SH3TC2: variants seen among roughly 807,000 people sequenced by gnomAD.
SH3TC2 encodes SH3 domain and tetratricopeptide repeats 2.
SH3TC2 carries 87 observed loss-of-function variants against 124.5 expected under a neutral mutation model. The observed-to-expected ratio is 0.70, with a 90% CI of 0.59 to 0.84. The LOEUF is 0.84. SH3TC2 is among the 40% of genes least tolerant of loss of function. The pLI is 0.00. For missense variants in SH3TC2, 1,536 were observed against 1,566.4 expected (o/e 0.98, Z 0.33); for synonymous variants, 634 against 628.5 (o/e 1.01, Z -0.13).
chr5:149,047,697 T>C (rs996131157), intron 3 of SH3TC2, 165 bp downstream of exon 3: 24 of 946,132 alleles, frequency 2.5e-5, no homozygotes, highest in South Asian at 1.5e-4. Flanking sequence ...TCCTCTCCAC[T>C]CCTGTGCAGA....
chr5:149,061,790 G>A (rs192207623), intron 1 of SH3TC2, among the ~76,000 whole-genome samples: 1 of 152,086 alleles, frequency 6.6e-6, no homozygotes, highest in African/African-American at 2.4e-5. Context: ...ACTCTCATGG[G>A]GCACAATGAC....
At chr5:149,058,513 C>T (rs1372100623) in intron 1 of SH3TC2, among the ~76,000 whole-genome samples, 4 of 151,854 alleles carry the variant, frequency 2.6e-5, no homozygotes, top group African/African-American at 9.7e-5. Context: ...TCCATTCCAA[C>T]ATTTTGCAAT....
At chr5:149,039,375 C>A (rs1489601228) in intron 7 of SH3TC2, among the ~76,000 whole-genome samples, 1 of 152,208 alleles carries the variant, frequency 6.6e-6, no homozygotes, top group Non-Finnish European at 1.5e-5. Context: ...AAAACTGAGT[C>A]TAGAGCTTAA....
rs1753352251 is a variant in SH3TC2, at chr5:148,987,544, T to C, written c.*17167A>G. 6.6e-6 allele frequency among the ~76,000 whole-genome samples: 1 copy of C among 152,234 alleles called. No individual in the cohort carries two copies. Among genetic ancestry groups the C allele is most frequent in the Admixed American group, 6.5e-5 (1 of 15,282 alleles). ...GTCTTTACATCTATAGTCTTGGGCA[T>C]ATTCCATAAGACTTCCACATATTTG... is the stretch of plus-strand genomic sequence containing the variant. On this transcript the variant is annotated 3_prime_UTR_variant, in exon 17 of 17. Transcript: ENST00000515425.
intron 7 of SH3TC2, 38 bp from the exon 8 acceptor site, chr5:149,038,528 T>A (rs749727240): frequency 6.2e-7 from 1 of 1,604,242 alleles, no homozygotes; most frequent in Non-Finnish European, 8.5e-7. Flanking sequence ...ACAGAAGACA[T>A]GAACAGCTGA....
At chr5:149,031,255 C>G (rs1160186907) in intron 9 of SH3TC2, among the ~76,000 whole-genome samples, 1 of 152,160 alleles carries the variant, frequency 6.6e-6, no homozygotes, top group Non-Finnish European at 1.5e-5. Context: ...TCAGCCAGGA[C>G]TCAGGAAGTT....
intron 2 of SH3TC2, among the ~76,000 whole-genome samples, chr5:149,048,705 G>A (rs915020194): frequency 6.6e-6 from 1 of 152,148 alleles, no homozygotes; most frequent in Non-Finnish European, 1.5e-5. Context: ...TGGTAAGTGA[G>A]TAACTAGGCA....
intron 8 of SH3TC2, among the ~76,000 whole-genome samples, chr5:149,033,746 C>T (rs1341251343): frequency 6.6e-6 from 1 of 152,198 alleles, no homozygotes; most frequent in African/African-American, 2.4e-5. Context: ...ACATCAAACA[C>T]CTAGGCTTAT....
chr5:149,005,056 G>A lies in SH3TC2; in HGVS notation c.3676-154C>T, dbSNP rs190012969. Reference sequence around the variant, plus strand: ...AATCCCCATCTCCTGAGTCCTTAGGGAGCCCCTCTCTCCCTCCACTGTGGT... The same window carrying A: ...AATCCCCATCTCCTGAGTCCTTAGGAAGCCCCTCTCTCCCTCCACTGTGGT... On this transcript the variant is annotated intron_variant, in intron 16 of 16. Transcript: ENST00000515425. 2.9e-3 allele frequency among the ~76,000 whole-genome samples: 437 copies of A among 152,200 alleles called. 2 individuals are homozygous for A. The highest frequency in any genetic ancestry group is 0.01 in the African/African-American group (418 of 41,534).
rs1753601149 is a variant in SH3TC2 at position 149,001,722 on chromosome 5, A to G, written c.*2989T>C. 1 of 152,376 alleles carries G rather than the reference A, an allele frequency of 6.6e-6. No homozygotes were observed. The highest frequency in any genetic ancestry group is 2.4e-5 in the African/African-American group (1 of 41,586). 9.4% of individuals were successfully genotyped at this position (152,376 alleles called of 1,614,324 possible). ...TAGTCTTACCCTTGTCTTTGGAAAC[A>G]TGCTAAACATTTTTATAACTGACCT... is the stretch of plus-strand genomic sequence containing the variant. On this transcript the variant is annotated 3_prime_UTR_variant, in exon 17 of 17. Transcript: ENST00000515425.
At chr5:149,032,929 G>A (rs759459024) in intron 8 of SH3TC2, among the ~76,000 whole-genome samples, 1 of 152,218 alleles carries the variant, frequency 6.6e-6, no homozygotes, top group East Asian at 1.9e-4. Flanking sequence ...TCTCAAAACA[G>A]CATGTAATTG....
chr5:149,036,273 A>G (rs528168541), intron 8 of SH3TC2, among the ~76,000 whole-genome samples: 1 of 152,272 alleles, frequency 6.6e-6, no homozygotes, highest in Non-Finnish European at 1.5e-5. Flanking sequence ...CCATGTAGCT[A>G]CTGTGCTTCC....
chr5:149,042,855 C>T lies in SH3TC2; in HGVS notation c.386-18G>A. 1 of 1,613,852 alleles carries T rather than the reference C, an allele frequency of 6.2e-7. No homozygotes were observed. Reference sequence around the variant, plus strand: ...TACGTAGCCTAAGAAGTCAAGCCAACAAGATTTCTGAACAAAATGATTTCT... The same window carrying T: ...TACGTAGCCTAAGAAGTCAAGCCAATAAGATTTCTGAACAAAATGATTTCT... On this transcript the variant is annotated intron_variant, in intron 4 of 16. Transcript: ENST00000515425.
chr5:149,023,754 T>C (rs1754017699), intron 12 of SH3TC2, among the ~76,000 whole-genome samples: 1 of 151,808 alleles, frequency 6.6e-6, no homozygotes, highest in South Asian at 2.1e-4. Context: ...GGCTAACTTT[T>C]TTGTATCTTT....
intron 13 of SH3TC2, among the ~76,000 whole-genome samples, chr5:149,011,359 G>A (rs1258813852): frequency 6.6e-6 from 1 of 152,200 alleles, no homozygotes; most frequent in East Asian, 1.9e-4. Flanking sequence ...ATGCACAATC[G>A]GAACAGTGCC....
chr5:149,045,973 G>C lies in SH3TC2; in HGVS notation c.280-1335C>G, dbSNP rs568014817. On this transcript the variant is annotated intron_variant, in intron 3 of 16. Coordinates refer to ENST00000515425, the MANE Select transcript of SH3TC2 (RefSeq NM_024577.4). Reference sequence around the variant, plus strand: ...TTTTTTTATAATACCTAAAAAAAAAGCAGGTCTGAATCACTGCCCAGACTT... The same window carrying C: ...TTTTTTTATAATACCTAAAAAAAAACCAGGTCTGAATCACTGCCCAGACTT... 7.0e-6 allele frequency: 3 copies of C among 430,618 alleles called. No homozygotes were observed. The East Asian group carries it at 2.4e-4, about 34-fold the overall frequency. 26.7% of individuals were successfully genotyped at this position (430,618 alleles called of 1,614,324 possible).
In SH3TC2 at chr5:149,028,443, T is replaced by C. The variant is rs764348437; in HGVS notation, c.1289A>G (p.Glu430Gly). The change falls in exon 11 of 17, where the codon GAG (glutamate) becomes GGG (glycine). Residue 430 changes from glutamate (E) to glycine (G), a missense_variant. Glu to Gly is a moderately conservative substitution (Grantham distance 98). This residue lies in a region of SH3TC2 where 1,102 missense variants were observed against 1,098.6 expected (regional missense o/e 1.00). Transcript: ENST00000515425. ...GCTGTCTGAGGTGGCCGAGAGGAGC[T>C]CCTCCTCCAGGCTGGAGTCCTCAGA... ...SSSEDSSLEEELLSATSDSYR... is the reference protein window; with the variant it reads ...SSSEDSSLEEGLLSATSDSYR... The C allele has an allele frequency of 1.2e-6, 2 of 1,613,096 alleles. No homozygotes were observed. Among genetic ancestry groups the C allele is most frequent in the Non-Finnish European group, 1.7e-6 (2 of 1,179,480 alleles).
At chr5:149,048,110 G>T (rs1325563660) in intron 2 of SH3TC2, 121 bp from the exon 3 acceptor site, 1 of 1,395,298 alleles carries the variant, frequency 7.2e-7, no homozygotes, top group Non-Finnish European at 1.0e-6. Flanking sequence ...GTCCTCATTA[G>T]TTACAGATTA....
At chr5:149,029,658 C>T (rs996778983) in intron 9 of SH3TC2, among the ~76,000 whole-genome samples, 7 of 152,012 alleles carry the variant, frequency 4.6e-5, no homozygotes, top group African/African-American at 1.5e-4. Context: ...TGAAAAGGCA[C>T]AGTCAGAGAG....
Sources: allele counts gnomAD v4.1 joint callset (sites outside exome capture counted in the v4.1 genomes callset), GRCh38; gene constraint gnomAD v4.1.1; regional missense constraint gnomAD v4.1.1; transcripts MANE v1.5; gene names NCBI Gene and HGNC (gene_info 2026-07-23, HGNC 2026-07-21).